ITPR2: variants seen among roughly 807,000 people sequenced by gnomAD.
ITPR2 encodes the protein inositol 1,4,5-trisphosphate-gated calcium channel ITPR2.
In ITPR2, 207 loss-of-function variants were observed where a neutral mutation model predicts 317.1. The ratio of observed to expected loss-of-function variants is 0.65; its 90% CI spans 0.58 to 0.73. The LOEUF is 0.73. Ranked by LOEUF, ITPR2 falls within the 30% of genes least tolerant of loss-of-function variation. ITPR2 has a pLI of 0.00. For missense variants in ITPR2, 2,613 were observed against 3,284.0 expected (o/e 0.80, Z 4.99); for synonymous variants, 1,156 against 1,149.1 (o/e 1.01, Z -0.12).
At chr12:26,688,809 G>T (rs918596736) in intron 10 of ITPR2, among the ~76,000 whole-genome samples, 12 of 152,086 alleles carry the variant, frequency 7.9e-5, no homozygotes, top group Admixed American at 7.9e-4. Context: ...TTGGGTCTTG[G>T]GACCCACTTT....
Position 26,399,026 on chromosome 12 carries a change from C to T in ITPR2, c.7546G>A (p.Ala2516Thr), listed in dbSNP as rs373724797. 5.7e-6 allele frequency: 9 copies of T among 1,581,430 alleles called. No homozygotes were observed. Among genetic ancestry groups the T allele is most frequent in the Non-Finnish European group, 7.7e-6 (9 of 1,171,332 alleles). ...RPSKDEPLFA[A>T]RVVYDLLFYF... is the part of the protein sequence containing the mutation. ...AAAAGAAGGTCATAAACCACTCGGG[C>T]AGCAAACAAGGGCTCCTGAAATAAA... The change falls in exon 54 of 57, where the codon GCC (alanine) becomes ACC (threonine). Residue 2516 changes from alanine (A) to threonine (T), a missense_variant. By Grantham distance (58) the Ala-to-Thr change is moderately conservative. Transcript: ENST00000381340.
intron 21 of ITPR2, among the ~76,000 whole-genome samples, chr12:26,643,373 G>A (rs1320666647): frequency 6.6e-6 from 1 of 152,234 alleles, no homozygotes; most frequent in African/African-American, 2.4e-5. Context: ...CTTTGAAACT[G>A]GGTAGTGGGT....
At chr12:26,586,509 A>G (rs889908327) in intron 32 of ITPR2, among the ~76,000 whole-genome samples, 1 of 152,194 alleles carries the variant, frequency 6.6e-6, no homozygotes, top group Non-Finnish European at 1.5e-5. Flanking sequence ...TTCCTTAGCT[A>G]ATTTCATCTA....
intron 2 of ITPR2, among the ~76,000 whole-genome samples, chr12:26,744,235 G>T (rs1949282368): frequency 6.6e-6 from 1 of 152,214 alleles, no homozygotes; most frequent in Admixed American, 6.5e-5. Context: ...CTCTGGTTCT[G>T]CCACTCCTAG....
chr12:26,434,030 T>C (rs913847897), intron 48 of ITPR2, among the ~76,000 whole-genome samples: 1 of 152,182 alleles, frequency 6.6e-6, no homozygotes, highest in African/African-American at 2.4e-5. Flanking sequence ...AATAATATCA[T>C]GCTTATTATA....
chr12:26,519,268 G>A (rs888868849), intron 37 of ITPR2, among the ~76,000 whole-genome samples: 10 of 152,116 alleles, frequency 6.6e-5, no homozygotes, highest in Non-Finnish European at 1.3e-4. Flanking sequence ...AAACACACAC[G>A]TGTGTGGGTG....
intron 45 of ITPR2, among the ~76,000 whole-genome samples, chr12:26,445,830 G>A (rs1399636765): frequency 6.6e-6 from 1 of 152,144 alleles, no homozygotes; most frequent in Non-Finnish European, 1.5e-5. Flanking sequence ...ATAGATGGCA[G>A]CTAGACAAAA....
At chr12:26,495,109 A>G in intron 38 of ITPR2, 43 bp downstream of exon 38, 1 of 977,998 alleles carries the variant, frequency 1.0e-6, no homozygotes, top group South Asian at 1.3e-5. Context: ...ATGAAGATGT[A>G]TCATGAGAAT....
At chr12:26,706,433 T>C (rs1440464789) in intron 9 of ITPR2, among the ~76,000 whole-genome samples, 2 of 152,150 alleles carry the variant, frequency 1.3e-5, no homozygotes, top group Non-Finnish European at 2.9e-5. Flanking sequence ...CTAACATTAC[T>C]TCCTAACTCA....
At position 26,659,291 on chromosome 12, in the gene ITPR2, A is replaced by G; in HGVS notation, c.1714-6T>C. 6.2e-7 allele frequency: 1 copy of G among 1,612,536 alleles called. No homozygotes were observed. The highest frequency in any genetic ancestry group is 8.5e-7 in the Non-Finnish European group (1 of 1,179,546). On this transcript the variant is annotated splice_polypyrimidine_tract_variant and splice_region_variant and intron_variant, in intron 15 of 56. Coordinates refer to ENST00000381340, the MANE Select transcript of ITPR2 (RefSeq NM_002223.4). ...AAATTCTTAGCAATATATTCCTGCA[A>G]AGAAGAAAGGCTGTCAGAATGCACT...
At chr12:26,403,961 G>A (rs1006379548) in intron 52 of ITPR2, among the ~76,000 whole-genome samples, 8 of 152,148 alleles carry the variant, frequency 5.3e-5, no homozygotes, top group East Asian at 1.9e-4. Flanking sequence ...TTTATTGGGC[G>A]GGAAATGGAG....
chr12:26,773,253 AAGC>A (rs1168722961), intron 2 of ITPR2, among the ~76,000 whole-genome samples: 1 of 152,230 alleles, frequency 6.6e-6, no homozygotes, highest in Non-Finnish European at 1.5e-5. Flanking sequence ...AGGCCGTTAT[AAGC>A]ACTCAAAATT....
chr12:26,772,561 TTA>T (rs972411596), intron 2 of ITPR2, among the ~76,000 whole-genome samples: 4 of 139,410 alleles, frequency 2.9e-5, no homozygotes, highest in African/African-American at 7.9e-5. Flanking sequence ...AATACATGTA[TTA>T]TATATATATA....
At chr12:26,667,826 G>C (rs1449675933) in intron 13 of ITPR2, among the ~76,000 whole-genome samples, 2 of 152,166 alleles carry the variant, frequency 1.3e-5, no homozygotes, top group Non-Finnish European at 2.9e-5. Context: ...AGCAACTACA[G>C]ATCGCTCTGT....
chr12:26,508,775 T>C lies in ITPR2; in HGVS notation c.5074-13515A>G, dbSNP rs1363228351. On this transcript the variant is annotated intron_variant, in intron 37 of 56. Coordinates refer to ENST00000381340, the MANE Select transcript of ITPR2 (RefSeq NM_002223.4). ...GAACAATAACACATGTTGGTGAGGA[T>C]GTGGAGAAATTGGGACCCTCATACA... Among the ~76,000 whole-genome samples, 5 of 152,168 alleles carry C rather than the reference T, an allele frequency of 3.3e-5. No individual in the cohort carries two copies. In the East Asian group the frequency reaches 5.8e-4, roughly 18 times the overall value.
At chr12:26,592,217 T>C (rs1243970406) in intron 32 of ITPR2, among the ~76,000 whole-genome samples, 1 of 152,082 alleles carries the variant, frequency 6.6e-6, no homozygotes, top group Non-Finnish European at 1.5e-5. Flanking sequence ...ACTAAATTCA[T>C]GGAGATAGAG....
chr12:26,823,216 C>T (rs1950964761), intron 1 of ITPR2, among the ~76,000 whole-genome samples: 1 of 152,134 alleles, frequency 6.6e-6, no homozygotes, highest in South Asian at 2.1e-4. Context: ...CCAGTGTTAC[C>T]TCCATTGCTA....
intron 37 of ITPR2, among the ~76,000 whole-genome samples, chr12:26,524,554 A>G (rs1405472012): frequency 6.6e-6 from 1 of 152,230 alleles, no homozygotes; most frequent in Admixed American, 6.5e-5. Flanking sequence ...ATAATGAAAT[A>G]CAATACATGC....
At chr12:26,670,416 C>T (rs186237195) in intron 13 of ITPR2, among the ~76,000 whole-genome samples, 1 of 152,288 alleles carries the variant, frequency 6.6e-6, no homozygotes, top group Non-Finnish European at 1.5e-5. Context: ...ATACAAACAC[C>T]GCTGCTGATA....
Sources: gnomAD v4.1 joint callset for allele counts (sites outside exome capture counted in the v4.1 genomes callset) on GRCh38, gnomAD v4.1.1 for gene constraint, MANE v1.5 for transcripts, NCBI Gene and HGNC (gene_info 2026-07-23, HGNC 2026-07-21) for gene names.